Variants in UBA6 observed in about 807,000 individuals in gnomAD.
UBA6 encodes the protein ubiquitin-like modifier-activating enzyme 6.
A neutral mutation model predicts 148.3 loss-of-function variants in UBA6; 87 were observed. That is an observed-to-expected ratio of 0.59 (90% CI 0.49 to 0.70). UBA6 has a LOEUF of 0.70. Among genes scored for constraint, UBA6 ranks in the 30% least tolerant of loss-of-function variants. UBA6 has a pLI of 0.00. For missense variants in UBA6, 1,186 were observed against 1,241.2 expected (o/e 0.96, Z 0.67); for synonymous variants, 376 against 401.0 (o/e 0.94, Z 0.75).
chr4:67,659,199 ATTAT>A (rs1729777390), intron 13 of UBA6, among the ~76,000 whole-genome samples: 1 of 152,110 alleles, frequency 6.6e-6, no homozygotes, highest in South Asian at 2.1e-4. Context: ...CAGTACATTT[ATTAT>A]TTCTTTCTTT....
At position 67,617,570 on chromosome 4, in the gene UBA6, ACT is replaced by A. The variant is rs1728655463; in HGVS notation, c.*1425_*1426del. On this transcript the variant is annotated 3_prime_UTR_variant, in exon 33 of 33. Coordinates refer to ENST00000322244, the MANE Select transcript of UBA6 (RefSeq NM_018227.6). ...ACATACATTTTCCCCACTTGATGGT[ACT>A]TTTACAAGAGGGAAACAATACAGCT... is the stretch of plus-strand genomic sequence containing the variant. 6.6e-6 allele frequency: 1 copy of A among 152,138 alleles called. No individual in the cohort carries two copies. Among genetic ancestry groups the A allele is most frequent in the African/African-American group, 2.4e-5 (1 of 41,450 alleles). The allele number at this position is 152,138 out of a possible 1,614,324, so 9.4% of individuals were successfully genotyped here.
chr4:67,688,094 T>C (rs1730613836), intron 2 of UBA6, among the ~76,000 whole-genome samples: 1 of 152,208 alleles, frequency 6.6e-6, no homozygotes, highest in Non-Finnish European at 1.5e-5. Context: ...ATGCTTAAAG[T>C]AGTATTACAT....
At chr4:67,672,340 G>A (rs1054544278) in intron 7 of UBA6, among the ~76,000 whole-genome samples, 2 of 152,106 alleles carry the variant, frequency 1.3e-5, no homozygotes, top group African/African-American at 2.4e-5. Context: ...TATAGACTCT[G>A]GAAAACTCCA....
intron 19 of UBA6, among the ~76,000 whole-genome samples, chr4:67,637,470 G>A (rs545407930): frequency 4.1e-4 from 63 of 152,322 alleles, no homozygotes; most frequent in Non-Finnish European, 4.9e-4. Flanking sequence ...CCATGATGAC[G>A]ATGGCGGTTT....
intron 1 of UBA6, among the ~76,000 whole-genome samples, chr4:67,700,684 G>C (rs897509129): frequency 6.6e-6 from 1 of 152,172 alleles, no homozygotes; most frequent in East Asian, 1.9e-4. Flanking sequence ...TTTACGGAAA[G>C]GAGGAAAGGT....
At chr4:67,663,399 C>A in intron 11 of UBA6, 184 bp from the exon 12 acceptor site, 1 of 474,556 alleles carries the variant, frequency 2.1e-6, no homozygotes, top group Non-Finnish European at 3.8e-6. Context: ...AACCTCAAGG[C>A]CATGAAGGTA....
At chr4:67,645,660 A>T (rs1379405552) in intron 16 of UBA6, among the ~76,000 whole-genome samples, 17 of 152,142 alleles carry the variant, frequency 1.1e-4, no homozygotes, top group Non-Finnish European at 2.4e-4. Context: ...GAAAAAAATT[A>T]AAAACCCACC....
At chr4:67,632,420 TTGAC>T (rs1374651721) in intron 23 of UBA6, among the ~76,000 whole-genome samples, 9 of 152,206 alleles carry the variant, frequency 5.9e-5, no homozygotes, top group Admixed American at 4.6e-4. Context: ...TGATAGGTAA[TTGAC>T]AATTACATTA....
chr4:67,691,726 G>A (rs1038855012), intron 2 of UBA6, among the ~76,000 whole-genome samples: 1 of 151,940 alleles, frequency 6.6e-6, no homozygotes, highest in African/African-American at 2.4e-5. Context: ...ATTATGTACT[G>A]TAGACTGAGG....
chr4:67,657,358 G>C (rs1729724637), intron 13 of UBA6, among the ~76,000 whole-genome samples: 1 of 152,166 alleles, frequency 6.6e-6, no homozygotes, highest in Non-Finnish European at 1.5e-5. Context: ...GAACAGAACA[G>C]AGGCCTCAGA....
intron 19 of UBA6, among the ~76,000 whole-genome samples, chr4:67,636,308 G>C (rs779176203): frequency 2.6e-5 from 4 of 152,178 alleles, no homozygotes; most frequent in Non-Finnish European, 5.9e-5. Context: ...AATCACCATA[G>C]GAGGATTTAA....
In UBA6 at chr4:67,631,845, A is replaced by G; in HGVS notation, c.2194+12T>C. 1 of 1,611,914 alleles carries G rather than the reference A, an allele frequency of 6.2e-7. No homozygotes were observed. The highest frequency in any genetic ancestry group is 8.5e-7 in the Non-Finnish European group (1 of 1,178,776). ...AATGTCATTAAAATTTATTCTCAACATTTATACTTACTGCCATCTTTTAAT... is the reference window on the plus strand; with the variant it reads ...AATGTCATTAAAATTTATTCTCAACGTTTATACTTACTGCCATCTTTTAAT... On this transcript the variant is annotated intron_variant, in intron 24 of 32. Coordinates refer to ENST00000322244, the MANE Select transcript of UBA6 (RefSeq NM_018227.6).
chr4:67,687,728 T>G (rs1730605832), intron 2 of UBA6, among the ~76,000 whole-genome samples: 1 of 152,190 alleles, frequency 6.6e-6, no homozygotes, highest in Non-Finnish European at 1.5e-5. Flanking sequence ...TTAGAATATG[T>G]GGTATTTGGT....
At chr4:67,698,326 T>G (rs1221517950) in intron 1 of UBA6, among the ~76,000 whole-genome samples, 2 of 152,188 alleles carry the variant, frequency 1.3e-5, no homozygotes. Context: ...CAAAAAAATG[T>G]ATGGTCTGTT....
chr4:67,691,823 G>GC (rs1553910686), intron 2 of UBA6, among the ~76,000 whole-genome samples: 2 of 151,754 alleles, frequency 1.3e-5, no homozygotes, highest in African/African-American at 4.8e-5. Flanking sequence ...AGCCATCATT[G>GC]TAACTACACC....
At chr4:67,649,308 T>TA in intron 13 of UBA6, 97 bp from the exon 14 acceptor site, 2 of 1,223,520 alleles carry the variant, frequency 1.6e-6, no homozygotes, top group Non-Finnish European at 2.2e-6. Context: ...ACTTAACTTC[T>TA]AAAAAAGCTA....
intron 2 of UBA6, among the ~76,000 whole-genome samples, chr4:67,682,692 A>G (rs931845922): frequency 1.3e-5 from 2 of 152,216 alleles, no homozygotes; most frequent in African/African-American, 4.8e-5. Context: ...GCATCCTAAT[A>G]GCCACAAGGT....
chr4:67,691,976 C>A (rs1447470423), intron 2 of UBA6, among the ~76,000 whole-genome samples: 2 of 152,014 alleles, frequency 1.3e-5, no homozygotes, highest in Non-Finnish European at 2.9e-5. Flanking sequence ...ATTATAAGAC[C>A]ACTTAAAGCA....
At chr4:67,643,878 C>T (rs1030677789) in intron 17 of UBA6, among the ~76,000 whole-genome samples, 2 of 152,080 alleles carry the variant, frequency 1.3e-5, no homozygotes, top group Admixed American at 1.3e-4. Flanking sequence ...GATTCCTAAA[C>T]TGATGTAACC....
Sources: allele counts gnomAD v4.1 joint callset (sites outside exome capture counted in the v4.1 genomes callset), GRCh38; gene constraint gnomAD v4.1.1; transcripts MANE v1.5; gene names NCBI Gene and HGNC (gene_info 2026-07-23, HGNC 2026-07-21).